The following BEGAIN variants were observed in gnomAD, a reference collection of about 807,000 sequenced individuals.
BEGAIN encodes brain enriched guanylate kinase associated.
BEGAIN carries 19 observed loss-of-function variants against 35.8 expected under a neutral mutation model. The observed-to-expected ratio is 0.53, with a 90% confidence interval of 0.37 to 0.78. BEGAIN has a LOEUF of 0.78. BEGAIN is among the 30% of genes least tolerant of loss of function. BEGAIN has a pLI of 0.00. For synonymous variants in BEGAIN, 462 were observed against 388.6 expected (o/e 1.19, Z -2.22); for missense variants, 795 against 853.6 (o/e 0.93, Z 0.85).
Position 100,546,782 on chromosome 14 carries a change from A to G in BEGAIN, c.72-120T>C, listed in dbSNP as rs888996946. ...AGTACCGGCGCGCGCGCGCGCGCGCACACACACACACACACACACACACAC... is the reference window on the plus strand; with the variant it reads ...AGTACCGGCGCGCGCGCGCGCGCGCGCACACACACACACACACACACACAC... On this transcript the variant is annotated intron_variant, in intron 2 of 6. Transcript: ENST00000554140. The G allele has an allele frequency of 7.4e-3, 1,160 of 157,476 alleles. 3 individuals are homozygous for G. The highest frequency in any genetic ancestry group is 0.018 in the Admixed American group (98 of 5,508). The allele number at this position is 157,476 out of a possible 1,614,324, so 9.8% of individuals were successfully genotyped here.
intron 1 of BEGAIN, among the ~76,000 whole-genome samples, chr14:100,583,132 G>A (rs1214695285): frequency 4.0e-5 from 6 of 151,166 alleles, no homozygotes; most frequent in African/African-American, 1.5e-4. Flanking sequence ...TCTCACTCCC[G>A]TCTCCATCTG....
Position 100,587,379 on chromosome 14 carries a change from C to T in BEGAIN, c.-89G>A, listed in dbSNP as rs1228037805. On this transcript the variant is annotated 5_prime_UTR_variant, in exon 1 of 7. Coordinates refer to ENST00000554140, the MANE Select transcript of BEGAIN (RefSeq NM_001385089.1). ...CCGAGCGCGCCGGGAGCCGGCGCGG[C>T]CGGGGCTCCCCCACCCCGCCCGGCT... The T allele has an allele frequency of 6.8e-6, 1 of 146,318 alleles. No individual in the cohort carries two copies. Among genetic ancestry groups the T allele is most frequent in the Non-Finnish European group, 1.5e-5 (1 of 65,518 alleles). 9.1% of individuals were successfully genotyped at this position (146,318 alleles called of 1,614,324 possible). A position where few individuals can be genotyped will look rare whatever the true frequency, so the allele number is the denominator to read the frequency against.
rs1199290970 is a variant in BEGAIN, at chr14:100,568,938, C to A, written c.43-999G>T. ...GACTGCCCATCCCGGCCCCTCGCGC[C>A]GGGCGCCGCCGCCGCGTCCGCCGGG... On this transcript the variant is annotated intron_variant, in intron 1 of 6. Transcript: ENST00000554140. The surrounding 1 kb of genome is among the most constrained non-coding windows in gnomAD (Gnocchi z 7.5). The A allele has an allele frequency of 4.0e-5, 39 of 983,572 alleles. No homozygotes were observed. The highest frequency in any genetic ancestry group is 4.6e-5 in the Non-Finnish European group (38 of 829,388). 60.9% of individuals were successfully genotyped at this position (983,572 alleles called of 1,614,324 possible).
rs2033935639 is a variant in BEGAIN, at chr14:100,558,292, C to A, written c.71+9619G>T. ...GTCCCCTCCATGTCACCGAACTGGTCCTGTCTCAGCCTTCACCTGACCTGC... is the reference window on the plus strand; with the variant it reads ...GTCCCCTCCATGTCACCGAACTGGTACTGTCTCAGCCTTCACCTGACCTGC... On this transcript the variant is annotated intron_variant, in intron 2 of 6. Transcript: ENST00000554140. The surrounding 1 kb of genome is among the most constrained non-coding windows in gnomAD (Gnocchi z 4.6). Among the ~76,000 whole-genome samples, 1 of 152,162 alleles carries A rather than the reference C, an allele frequency of 6.6e-6. No individual in the cohort carries two copies. Among genetic ancestry groups the A allele is most frequent in the Admixed American group, 6.5e-5 (1 of 15,284 alleles).
chr14:100,577,339 G>A (rs1388140913), intron 1 of BEGAIN: 14 of 399,028 alleles, frequency 3.5e-5, no homozygotes, highest in Admixed American at 8.8e-5. Context: ...AGGGGAGGCA[G>A]TCCGGCCTCC....
At position 100,546,587 on chromosome 14, in the gene BEGAIN, G is replaced by C. The variant is rs541271514; in HGVS notation, c.147C>G (p.Thr49=). 1 of 1,592,430 alleles carries C rather than the reference G, an allele frequency of 6.3e-7. No homozygotes were observed. Among genetic ancestry groups the C allele is most frequent in the South Asian group, 1.1e-5 (1 of 88,886 alleles). ...YTTHKLEKLE[T]EFDSTRHYLE... ...GGTAGTGGCGCGTGGAGTCGAACTC[G>C]GTCTCGAGCTTCTCGAGCTTGTGTG... Residue 49 remains threonine (T), a synonymous_variant, in exon 3 of 7, where the codon ACC becomes ACG. Coordinates refer to ENST00000554140, the MANE Select transcript of BEGAIN (RefSeq NM_001385089.1).
At chr14:100,571,597 C>G (rs1055528320) in intron 1 of BEGAIN, among the ~76,000 whole-genome samples, 1 of 152,202 alleles carries the variant, frequency 6.6e-6, no homozygotes, top group Non-Finnish European at 1.5e-5. Context: ...GCTATCTTCC[C>G]TGTGGCACCC....
rs1339898282 is a variant in BEGAIN, at chr14:100,568,875, G to A, written c.43-936C>T. The stretch of plus-strand genomic sequence containing the variant: ...TGGCACTCAAGGGGGACAGGGGTCC[G>A]AGCTCAGGGACCACGCGACAGACCT... On this transcript the variant is annotated intron_variant, in intron 1 of 6. Coordinates refer to ENST00000554140, the MANE Select transcript of BEGAIN (RefSeq NM_001385089.1). The surrounding 1 kb of genome is among the most constrained non-coding windows in gnomAD (Gnocchi z 7.5). 5.1e-6 allele frequency: 5 copies of A among 985,570 alleles called. No homozygotes were observed. In the East Asian group the frequency reaches 5.7e-4, roughly 112 times the overall value. The allele number at this position is 985,570 out of a possible 1,614,324, so 61.1% of individuals were successfully genotyped here.
At chr14:100,559,238 G>C (rs1030243388) in intron 2 of BEGAIN, among the ~76,000 whole-genome samples, 2 of 152,124 alleles carry the variant, frequency 1.3e-5, no homozygotes, top group Non-Finnish European at 2.9e-5. Flanking sequence ...CCCTGCCTGG[G>C]CTCCTCTTTC....
chr14:100,582,104 C>A (rs1463161685), intron 1 of BEGAIN, among the ~76,000 whole-genome samples: 3 of 152,192 alleles, frequency 2.0e-5, no homozygotes, highest in Admixed American at 1.3e-4. Context: ...ACCAACCTTC[C>A]CCTCGTCCCA....
intron 2 of BEGAIN, among the ~76,000 whole-genome samples, chr14:100,555,921 C>A (rs1024983050): frequency 5.9e-5 from 9 of 152,184 alleles, no homozygotes; most frequent in African/African-American, 1.9e-4. Context: ...AATGTCATCA[C>A]CATGGCCGCT....
In BEGAIN at chr14:100,538,674, C is replaced by T. The variant is rs761264640; in HGVS notation, c.1134G>A (p.Pro378=). 3.9e-6 allele frequency: 6 copies of T among 1,551,392 alleles called. No homozygotes were observed. The highest frequency in any genetic ancestry group is 5.2e-6 in the Non-Finnish European group (6 of 1,147,434). The change falls in exon 7 of 7, where the codon CCG becomes CCA. Residue 378 remains proline (P), a synonymous_variant. Coordinates refer to ENST00000554140, the MANE Select transcript of BEGAIN (RefSeq NM_001385089.1). ...FAKATAAVAA[P]LEAEVAPGFG... ...AGCCTGGGGCCACTTCGGCCTCCAG[C>T]GGGGCCGCCACCGCGGCCGTGGCCT...
chr14:100,565,250 G>A (rs1316665335), intron 2 of BEGAIN, among the ~76,000 whole-genome samples: 1 of 152,208 alleles, frequency 6.6e-6, no homozygotes, highest in African/African-American at 2.4e-5. Flanking sequence ...CACAGAGTTT[G>A]TCATGTGGAC....
intron 1 of BEGAIN, among the ~76,000 whole-genome samples, chr14:100,582,055 G>A (rs1032698815): frequency 2.0e-5 from 3 of 152,268 alleles, no homozygotes; most frequent in Admixed American, 1.3e-4. Flanking sequence ...GCATGCGCCA[G>A]GGGCCGCAGC....
chr14:100,558,986 T>TG lies in BEGAIN; in HGVS notation c.71+8924dup, dbSNP rs2034005462. Reference sequence around the variant, plus strand: ...CCGGAGCCTGGGGCCTGGGGGTTGTTGGGGGGAGCAGACAAGGGGTGGGCC... The same window carrying TG: ...CCGGAGCCTGGGGCCTGGGGGTTGTTGGGGGGGAGCAGACAAGGGGTGGGCC... On this transcript the variant is annotated intron_variant, in intron 2 of 6. Transcript: ENST00000554140. The surrounding 1 kb of genome is among the most constrained non-coding windows in gnomAD (Gnocchi z 4.6). Among the ~76,000 whole-genome samples, 1 of 148,504 alleles carries TG rather than the reference T, an allele frequency of 6.7e-6. No individual in the cohort carries two copies. The highest frequency in any genetic ancestry group is 1.5e-5 in the Non-Finnish European group (1 of 66,920).
intron 6 of BEGAIN, 22 bp downstream of exon 6, chr14:100,540,474 C>T: frequency 6.4e-7 from 1 of 1,563,072 alleles, no homozygotes; most frequent in Non-Finnish European, 8.7e-7. Context: ...GCGGGGTGGG[C>T]CTGGCTGCGG....
rs2035450429 is a variant in BEGAIN at position 100,586,619 on chromosome 14, T to C, written c.42+630A>G. Among the ~76,000 whole-genome samples, 1 of 152,172 alleles carries C rather than the reference T, an allele frequency of 6.6e-6. No individual in the cohort carries two copies. The highest frequency in any genetic ancestry group is 1.5e-5 in the Non-Finnish European group (1 of 68,026). On this transcript the variant is annotated intron_variant, in intron 1 of 6. Coordinates refer to ENST00000554140, the MANE Select transcript of BEGAIN (RefSeq NM_001385089.1). The surrounding 1 kb of genome is among the most constrained non-coding windows in gnomAD (Gnocchi z 4.9). ...GCTCAGGGAGGGTGAGCGCGCCGGC[T>C]GAGCCGCTCTGGGCGAGGCCCTGGC...
At chr14:100,544,946 C>A (rs980903953) in intron 4 of BEGAIN, 54 bp downstream of exon 4, 1 of 1,572,948 alleles carries the variant, frequency 6.4e-7, no homozygotes, top group East Asian at 2.2e-5. Flanking sequence ...CTGGGTGGCT[C>A]CCCCCGGGAA....
At chr14:100,539,707 C>T (rs980142246) in intron 6 of BEGAIN, among the ~76,000 whole-genome samples, 6 of 152,054 alleles carry the variant, frequency 3.9e-5, no homozygotes, top group Non-Finnish European at 7.4e-5. Context: ...CTTGCTCTCC[C>T]AGGCCCGTGG....
Sources: allele counts gnomAD v4.1 joint callset (sites outside exome capture counted in the v4.1 genomes callset), GRCh38; gene constraint gnomAD v4.1.1; non-coding constraint Gnocchi (gnomAD v3.1); transcripts MANE v1.5; gene names NCBI Gene and HGNC (gene_info 2026-07-23, HGNC 2026-07-21).